MTFR1L: variants seen among roughly 807,000 people sequenced by gnomAD.
MTFR1L encodes the protein mitochondrial fission regulator 1 like, also known as mitochondrial fission regulator 1-like.
A neutral mutation model predicts 27.9 loss-of-function variants in MTFR1L; 10 were observed. That is an observed-to-expected ratio of 0.36 (90% CI 0.22 to 0.61). MTFR1L has a LOEUF of 0.61. Among genes scored for constraint, MTFR1L ranks in the 20% least tolerant of loss-of-function variants. The probability of loss-of-function intolerance (pLI) is 0.73; values close to 1 mark genes in which losing one functional copy is unlikely to be tolerated. For synonymous variants in MTFR1L, 151 were observed against 139.4 expected, an observed-to-expected ratio of 1.08 and a Z score of -0.58; for missense variants, 315 against 363.7, an observed-to-expected ratio of 0.87 and a Z score of 1.09.
chr1:25,823,820 C>T (rs972418517), intron 3 of MTFR1L, 72 bp downstream of exon 3: 2 of 1,544,430 alleles, frequency 1.3e-6, no homozygotes, highest in African/African-American at 1.4e-5. Flanking sequence ...CCCCTTGGTA[C>T]TGCCCAAGTA....
intron 2 of MTFR1L, chr1:25,823,362 C>T (rs1318439391): frequency 8.3e-6 from 6 of 719,532 alleles, no homozygotes; most frequent in South Asian, 4.5e-5. Context: ...GGAAGGAAAG[C>T]CTGGATAATC....
chr1:25,826,199 C>A lies in MTFR1L; in HGVS notation c.130-103C>A. ...CTTCTGCCCCCTCTAGGAAGCCTTC[C>A]TGACACCCAGTGCCGGATTAGGTAC... On this transcript the variant is annotated intron_variant, in intron 3 of 6. Coordinates refer to ENST00000374303, the MANE Select transcript of MTFR1L (RefSeq NM_001099625.2). This position sits in a 1 kb window ranked among gnomAD's most constrained non-coding sequence, Gnocchi z 4.1. 1 of 940,874 alleles carries A rather than the reference C, an allele frequency of 1.1e-6. No individual in the cohort carries two copies. The highest frequency in any genetic ancestry group is 1.6e-6 in the Non-Finnish European group (1 of 606,972). 58.3% of individuals were successfully genotyped at this position (940,874 alleles called of 1,614,324 possible). A position where few individuals can be genotyped will look rare whatever the true frequency, so the allele number is the denominator to read the frequency against.
chr1:25,823,093 G>A lies in MTFR1L; in HGVS notation c.-12G>A. On this transcript the variant is annotated 5_prime_UTR_variant, in exon 2 of 7. Coordinates refer to ENST00000374303, the MANE Select transcript of MTFR1L (RefSeq NM_001099625.2). ...TGGCTGCCTTGTCCTTCAAGTGCAG[G>A]AGCTGGTTCAAATGTCAGGAATGGA... is the stretch of plus-strand genomic sequence containing the variant. 2 of 1,614,200 alleles carry A rather than the reference G, an allele frequency of 1.2e-6. No individual in the cohort carries two copies. Among genetic ancestry groups the A allele is most frequent in the Non-Finnish European group, 1.7e-6 (2 of 1,180,036 alleles).
Position 25,832,372 on chromosome 1 carries a change from C to T in MTFR1L, c.*346C>T, listed in dbSNP as rs2048256910. 1 of 575,570 alleles carries T rather than the reference C, an allele frequency of 1.7e-6. No homozygotes were observed. The allele number at this position is 575,570 out of a possible 1,614,324, so 35.7% of individuals were successfully genotyped here. ...GACTTCACTGCATTAGACCCTATAG[C>T]TGGTCTCACAAGACACTTTGTGCCC... On this transcript the variant is annotated 3_prime_UTR_variant, in exon 7 of 7. Transcript: ENST00000374303.
chr1:25,826,495 C>A lies in MTFR1L; in HGVS notation c.239+84C>A. On this transcript the variant is annotated intron_variant, in intron 4 of 6. Coordinates refer to ENST00000374303, the MANE Select transcript of MTFR1L (RefSeq NM_001099625.2). The surrounding 1 kb of genome is among the most constrained non-coding windows in gnomAD (Gnocchi z 4.1). ...GGCAGCAAGGAGAGAGGAATGAGAA[C>A]TGTGGGCTCAGAGAGGAGCAGAACC... The A allele has an allele frequency of 6.3e-7, 1 of 1,583,032 alleles. No individual in the cohort carries two copies. The highest frequency in any genetic ancestry group is 8.7e-7 in the Non-Finnish European group (1 of 1,152,482).
chr1:25,831,981 G>A lies in MTFR1L; in HGVS notation c.834G>A (p.Arg278=), dbSNP rs2048249293. 1.2e-6 allele frequency: 2 copies of A among 1,614,096 alleles called. No homozygotes were observed. Among genetic ancestry groups the A allele is most frequent in the Admixed American group, 1.7e-5 (1 of 60,012 alleles). The change falls in exon 7 of 7, where the codon AGG becomes AGA. Residue 278 remains arginine, a synonymous_variant. Coordinates refer to ENST00000374303, the MANE Select transcript of MTFR1L (RefSeq NM_001099625.2). ...PAVLISEVLR[R]KFALKEEDIS... is the part of the protein sequence containing the mutation. ...TGCTTATCTCTGAGGTCCTAAGGAG[G>A]AAGTTTGCTCTAAAGGAAGAAGATA...
At position 25,832,539 on chromosome 1, in the gene MTFR1L, C is replaced by G. The variant is rs2048260114; in HGVS notation, c.*513C>G. 2 of 214,224 alleles carry G rather than the reference C, an allele frequency of 9.3e-6. No individual in the cohort carries two copies. The highest frequency in any genetic ancestry group is 5.1e-5 in the Admixed American group (1 of 19,638). 13.3% of individuals were successfully genotyped at this position (214,224 alleles called of 1,614,324 possible). A position where few individuals can be genotyped will look rare whatever the true frequency, so the allele number is the denominator to read the frequency against. ...CCTACACCAATGCCCAGCAATCACC[C>G]TCCTCACTTCCTTGTCTAGATGTAG... On this transcript the variant is annotated 3_prime_UTR_variant, in exon 7 of 7. Coordinates refer to ENST00000374303, the MANE Select transcript of MTFR1L (RefSeq NM_001099625.2).
chr1:25,829,696 T>C lies in MTFR1L; in HGVS notation c.639T>C (p.Cys213=), dbSNP rs771726491. 10 of 1,614,054 alleles carry C rather than the reference T, an allele frequency of 6.2e-6. No homozygotes were observed. The highest frequency in any genetic ancestry group is 7.6e-6 in the Non-Finnish European group (9 of 1,180,046). ...VPLLCSASPE[C]CKPEHKAACS... is the part of the protein sequence containing the mutation. Reference sequence around the variant, plus strand: ...TGCTTTGTTCTGCCAGCCCTGAATGTTGCAAACCAGAACACAAAGCTGCCT... The same window carrying C: ...TGCTTTGTTCTGCCAGCCCTGAATGCTGCAAACCAGAACACAAAGCTGCCT... Residue 213 remains cysteine, a synonymous_variant, in exon 6 of 7, where the codon TGT becomes TGC. Coordinates refer to ENST00000374303, the MANE Select transcript of MTFR1L (RefSeq NM_001099625.2).
intron 1 of MTFR1L, 72 bp downstream of exon 1, chr1:25,820,101 TGCCGGGCGCTGTGCGG>T (rs2048065811): frequency 2.3e-6 from 1 of 438,896 alleles, no homozygotes; most frequent in African/African-American, 2.1e-5. Flanking sequence ...TGGGTCTACG[TGCCGGGCGCTGTGCGG>T]AGCCCGCAGC....
rs760907241 is a variant in MTFR1L at position 25,823,055 on chromosome 1, C to A, written c.-50C>A. 1.2e-6 allele frequency: 2 copies of A among 1,614,110 alleles called. No individual in the cohort carries two copies. Among genetic ancestry groups the A allele is most frequent in the Non-Finnish European group, 1.7e-6 (2 of 1,180,006 alleles). On this transcript the variant is annotated 5_prime_UTR_variant, in exon 2 of 7. Coordinates refer to ENST00000374303, the MANE Select transcript of MTFR1L (RefSeq NM_001099625.2). Reference sequence around the variant, plus strand: ...TGAAGGAGTCACGCCTCCCGCCTCCCGGAGCTGCCCAGTGGCTGCCTTGTC... The same window carrying A: ...TGAAGGAGTCACGCCTCCCGCCTCCAGGAGCTGCCCAGTGGCTGCCTTGTC...
chr1:25,823,796 T>A, intron 3 of MTFR1L, 48 bp downstream of exon 3: 1 of 1,601,422 alleles, frequency 6.2e-7, no homozygotes, highest in South Asian at 1.1e-5. Flanking sequence ...ACAGTGCTGC[T>A]TCTGTGCCCC....
chr1:25,827,214 T>C (rs1180271028), intron 5 of MTFR1L, among the ~76,000 whole-genome samples: 1 of 151,446 alleles, frequency 6.6e-6, no homozygotes, highest in Non-Finnish European at 1.5e-5. Flanking sequence ...CTTAGTTCAC[T>C]GCACTCTGCC....
In MTFR1L at chr1:25,823,715, A is replaced by C. The variant is rs1317097071; in HGVS notation, c.96A>C (p.Leu32=). 1.9e-6 allele frequency: 3 copies of C among 1,613,650 alleles called. No homozygotes were observed. Among genetic ancestry groups the C allele is most frequent in the Non-Finnish European group, 2.5e-6 (3 of 1,179,888 alleles). ...RSVVRRIGTN[L]PLKPCARASF... The stretch of plus-strand genomic sequence containing the variant: ...TAGTAAGAAGAATTGGGACCAACCT[A>C]CCCTTGAAGCCGTGTGCCCGGGCGT... The change falls in exon 3 of 7, where the codon CTA becomes CTC. Residue 32 remains leucine, a synonymous_variant. Coordinates refer to ENST00000374303, the MANE Select transcript of MTFR1L (RefSeq NM_001099625.2).
chr1:25,831,822 C>A (rs1021194573), intron 6 of MTFR1L, 99 bp from the exon 7 acceptor site: 3 of 1,035,366 alleles, frequency 2.9e-6, no homozygotes, highest in Non-Finnish European at 4.5e-6. Context: ...GCACCTACCT[C>A]GTAAGATTGT....
rs1266478090 is a variant in MTFR1L, at chr1:25,826,736, G to A, written c.361G>A (p.Ala121Thr). The change falls in exon 5 of 7, where the codon GCT (alanine) becomes ACT (threonine). Residue 121 changes from alanine (A) to threonine (T), a missense_variant. Coordinates refer to ENST00000374303, the MANE Select transcript of MTFR1L (RefSeq NM_001099625.2). The surrounding 1 kb of genome is among the most constrained non-coding windows in gnomAD (Gnocchi z 4.1). ...EERLLALKKP[A>T]LPALSRTTEL... ...GAGGCTTCTGGCCCTGAAGAAGCCA[G>A]CTCTGCCAGCCCTAAGCCGCACTAC... 5.6e-6 allele frequency: 9 copies of A among 1,614,186 alleles called. No homozygotes were observed. Among genetic ancestry groups the A allele is most frequent in the Admixed American group, 1.7e-5 (1 of 60,032 alleles).
Position 25,832,162 on chromosome 1 carries a change from A to AC in MTFR1L, c.*136_*137insC. 6.4e-7 allele frequency: 1 copy of AC among 1,557,174 alleles called. No individual in the cohort carries two copies. Among genetic ancestry groups the AC allele is most frequent in the Non-Finnish European group, 8.7e-7 (1 of 1,154,982 alleles). ...TGCTGACAAGCTAGAGCTTGGACTGAAAGAGAAGAGCTGGATTATATATTT... is the reference window on the plus strand; with the variant it reads ...TGCTGACAAGCTAGAGCTTGGACTGACAAGAGAAGAGCTGGATTATATATTT... On this transcript the variant is annotated 3_prime_UTR_variant, in exon 7 of 7. Transcript: ENST00000374303.
At chr1:25,827,801 C>G (rs1416856646) in intron 5 of MTFR1L, among the ~76,000 whole-genome samples, 1 of 152,268 alleles carries the variant, frequency 6.6e-6, no homozygotes, top group South Asian at 2.1e-4. Flanking sequence ...TCTTGGCTCA[C>G]TGCAACCTCC....
intron 5 of MTFR1L, among the ~76,000 whole-genome samples, chr1:25,828,358 G>A (rs953223054): frequency 1.3e-5 from 2 of 152,174 alleles, no homozygotes; most frequent in African/African-American, 4.8e-5. Context: ...TGAGGTGGGT[G>A]GATCACCTGA....
chr1:25,832,643 T>C lies in MTFR1L; in HGVS notation c.*617T>C, dbSNP rs2048261509. 6.0e-6 allele frequency: 1 copy of C among 165,776 alleles called. No individual in the cohort carries two copies. The highest frequency in any genetic ancestry group is 5.6e-5 in the Admixed American group (1 of 17,944). 10.3% of individuals were successfully genotyped at this position (165,776 alleles called of 1,614,324 possible). A position where few individuals can be genotyped will look rare whatever the true frequency, so the allele number is the denominator to read the frequency against. ...TGTTTTTTTTCTTAAACACATTTTA[T>C]ATTACTGAACAACCAAATCTACCCT... On this transcript the variant is annotated 3_prime_UTR_variant, in exon 7 of 7. Transcript: ENST00000374303.
Sources: allele counts gnomAD v4.1 joint callset (sites outside exome capture counted in the v4.1 genomes callset), GRCh38; gene constraint gnomAD v4.1.1; non-coding constraint Gnocchi (gnomAD v3.1); transcripts MANE v1.5; gene names NCBI Gene and HGNC (gene_info 2026-07-23, HGNC 2026-07-21).